The following TTC7A variants were observed in gnomAD, a reference collection of about 807,000 sequenced individuals.
The protein encoded by TTC7A is tetratricopeptide repeat domain 7A.
TTC7A carries 110 observed loss-of-function variants against 103.7 expected under a neutral mutation model. That is an observed-to-expected ratio of 1.06 (90% CI 0.91 to 1.24). TTC7A has a LOEUF of 1.24. Ranked by LOEUF, TTC7A falls within the 50% of genes most tolerant of loss-of-function variation. TTC7A has a pLI of 0.00. For missense variants in TTC7A, 1,340 were observed against 1,116.3 expected (o/e 1.20, Z -2.86); for synonymous variants, 521 against 467.9 (o/e 1.11, Z -1.47).
rs1366707831 is a variant in TTC7A at position 46,993,534 on chromosome 2, G to C, written c.843+6G>C. The C allele has an allele frequency of 6.2e-7, 1 of 1,614,014 alleles. No individual in the cohort carries two copies. The highest frequency in any genetic ancestry group is 1.1e-5 in the South Asian group (1 of 91,082). On this transcript the variant is annotated splice_donor_region_variant and intron_variant, in intron 6 of 19. Coordinates refer to ENST00000319190, the MANE Select transcript of TTC7A (RefSeq NM_020458.4). ...CAACTCAGAACTTCAAAGTGGTAAT[G>C]TGGGGTGCTGGCAGTGCTGGCTTAT...
In TTC7A at chr2:47,046,358, C is replaced by G. The variant is rs999418027; in HGVS notation, c.1846C>G (p.Pro616Ala). 1 of 1,614,066 alleles carries G rather than the reference C, an allele frequency of 6.2e-7. No individual in the cohort carries two copies. Among genetic ancestry groups the G allele is most frequent in the Non-Finnish European group, 8.5e-7 (1 of 1,180,036 alleles). Reference sequence around the variant, plus strand: ...GAAGCTGGAGCAGGTGCTGAAAGGCCCAGAGGAAGCCCTCGTGACCTGCAG... The same window carrying G: ...GAAGCTGGAGCAGGTGCTGAAAGGCGCAGAGGAAGCCCTCGTGACCTGCAG... Reference protein sequence around the residue: ...KVKLEQVLKGPEEALVTCRQV... With the variant: ...KVKLEQVLKGAEEALVTCRQV... Residue 616 changes from proline to alanine, a missense_variant, in exon 16 of 20, where the codon CCA becomes GCA. Physicochemically the swap from Pro to Ala is conservative, Grantham distance 27 (BLOSUM62 -1). Transcript: ENST00000319190.
chr2:47,003,841 C>G (rs1677098050), intron 8 of TTC7A, among the ~76,000 whole-genome samples: 1 of 152,228 alleles, frequency 6.6e-6, no homozygotes, highest in Non-Finnish European at 1.5e-5. Context: ...CCTGTGGGTC[C>G]CCACCCTGGG....
chr2:46,925,719 C>T (rs1053850665), intron 2 of TTC7A, among the ~76,000 whole-genome samples: 4 of 152,184 alleles, frequency 2.6e-5, no homozygotes, highest in Non-Finnish European at 4.4e-5. Flanking sequence ...TTTCATTTTT[C>T]CCTAAGCAAC....
At chr2:46,965,458 C>G (rs1449476055) in intron 3 of TTC7A, among the ~76,000 whole-genome samples, 1 of 152,070 alleles carries the variant, frequency 6.6e-6, no homozygotes, top group Non-Finnish European at 1.5e-5. Context: ...GAAGGAGGAG[C>G]AGGCTGCTAG....
At chr2:47,006,093 G>A (rs775419183) in intron 9 of TTC7A, 34 bp downstream of exon 9, 9 of 1,603,946 alleles carry the variant, frequency 5.6e-6, no homozygotes, top group East Asian at 2.2e-5. Flanking sequence ...CCCACTCTCC[G>A]GAGTCAGGTG....
intron 2 of TTC7A, among the ~76,000 whole-genome samples, chr2:46,919,892 G>C (rs1279629923): frequency 1.3e-5 from 2 of 152,232 alleles, no homozygotes; most frequent in Admixed American, 6.5e-5. Context: ...TCAATGGGTT[G>C]CATGTTCTAG....
chr2:47,057,557 A>C (rs1683420212), intron 18 of TTC7A, among the ~76,000 whole-genome samples: 4 of 152,236 alleles, frequency 2.6e-5, no homozygotes, highest in Admixed American at 2.6e-4. Flanking sequence ...AGTTGTAAAC[A>C]GCTTAATCAG....
chr2:47,042,806 C>T (rs1355457360), intron 15 of TTC7A, among the ~76,000 whole-genome samples: 1 of 152,128 alleles, frequency 6.6e-6, no homozygotes, highest in East Asian at 1.9e-4. Flanking sequence ...GGGCTGGAGC[C>T]GTGGGATTGA....
intron 14 of TTC7A, among the ~76,000 whole-genome samples, chr2:47,024,669 T>C (rs1214323710): frequency 1.3e-5 from 2 of 152,110 alleles, no homozygotes; most frequent in African/African-American, 4.8e-5. Context: ...GTCCTCGCCT[T>C]CCACTGGCTT....
Position 46,961,109 on chromosome 2 carries a change from T to G in TTC7A, c.517+4102T>G, listed in dbSNP as rs781606743. Among the ~76,000 whole-genome samples, 259 of 152,318 alleles carry G rather than the reference T, an allele frequency of 1.7e-3. 2 individuals are homozygous for G. The highest frequency in any genetic ancestry group is 0.014 in the Middle Eastern group (4 of 294). ...GGCCCTGCCATGGCCCCTTTGTAAC[T>G]TCCGCCAGCCTACGGACCCCTGACC... On this transcript the variant is annotated intron_variant, in intron 3 of 19. Coordinates refer to ENST00000319190, the MANE Select transcript of TTC7A (RefSeq NM_020458.4).
rs1685161363 is a variant in TTC7A, at chr2:47,075,709, A to AAGGAAGGATGGG, written c.*1790_*1801dup. 1 of 152,460 alleles carries AAGGAAGGATGGG rather than the reference A, an allele frequency of 6.6e-6. No homozygotes were observed. Among genetic ancestry groups the AAGGAAGGATGGG allele is most frequent in the Non-Finnish European group, 1.5e-5 (1 of 68,226 alleles). 9.4% of individuals were successfully genotyped at this position (152,460 alleles called of 1,614,324 possible). On this transcript the variant is annotated 3_prime_UTR_variant, in exon 20 of 20. Coordinates refer to ENST00000319190, the MANE Select transcript of TTC7A (RefSeq NM_020458.4). ...GGCCCACCTGGGGAGGGATGTGGGAAAGGAAGGATGGGAGGGAGGACCCTC... is the reference window on the plus strand; with the variant it reads ...GGCCCACCTGGGGAGGGATGTGGGAAAGGAAGGATGGGAGGAAGGATGGGAGGGAGGACCCTC...
chr2:47,002,166 G>A (rs748841108), intron 8 of TTC7A, among the ~76,000 whole-genome samples: 1 of 152,208 alleles, frequency 6.6e-6, no homozygotes, highest in Non-Finnish European at 1.5e-5. Context: ...AGAACAGCCG[G>A]AAGGACAAAG....
chr2:46,969,701 G>A lies in TTC7A; in HGVS notation c.518-5272G>A, dbSNP rs988108765. ...GCTGGGATTACAGGCATGAGCCAGC[G>A]TGCCTGGCCCAGGAAATATTTTTTA... On this transcript the variant is annotated intron_variant, in intron 3 of 19. Transcript: ENST00000319190. 2.6e-5 allele frequency among the ~76,000 whole-genome samples: 4 copies of A among 152,112 alleles called. No homozygotes were observed. The South Asian group carries it at 6.2e-4, about 24-fold the overall frequency.
At chr2:47,053,555 G>T (rs141444931) in intron 18 of TTC7A, among the ~76,000 whole-genome samples, 10,826 of 141,330 alleles carry the variant, frequency 0.077, 422 homozygotes, top group East Asian at 0.097. Context: ...TGGTTGGTTG[G>T]TTGGTTGGTT....
intron 2 of TTC7A, among the ~76,000 whole-genome samples, chr2:46,936,086 G>A (rs1669964066): frequency 1.3e-5 from 2 of 152,106 alleles, no homozygotes; most frequent in Admixed American, 6.6e-5. Flanking sequence ...GCAAGACCCT[G>A]TCTCTAAAAA....
chr2:47,056,913 C>G (rs1683369783), intron 18 of TTC7A, among the ~76,000 whole-genome samples: 1 of 152,170 alleles, frequency 6.6e-6, no homozygotes, highest in South Asian at 2.1e-4. Context: ...TGACCCCTCC[C>G]CCCCATCCAG....
At chr2:47,010,442 T>C (rs1270325443) in intron 10 of TTC7A, among the ~76,000 whole-genome samples, 1 of 152,208 alleles carries the variant, frequency 6.6e-6, no homozygotes, top group Non-Finnish European at 1.5e-5. Flanking sequence ...TGTTTGCTGC[T>C]GCTGTTCTTC....
At chr2:47,039,078 A>G (rs1393379139) in intron 15 of TTC7A, among the ~76,000 whole-genome samples, 2 of 151,920 alleles carry the variant, frequency 1.3e-5, no homozygotes, top group East Asian at 1.9e-4. Flanking sequence ...TCTCCCAGCA[A>G]CCCTCCTGGG....
intron 11 of TTC7A, among the ~76,000 whole-genome samples, chr2:47,017,736 A>G (rs1678826853): frequency 6.6e-6 from 1 of 152,082 alleles, no homozygotes; most frequent in Admixed American, 6.6e-5. Flanking sequence ...TCTGTGGCTA[A>G]GGATCTGGCT....
Sources: gnomAD v4.1 joint callset for allele counts (sites outside exome capture counted in the v4.1 genomes callset) on GRCh38, gnomAD v4.1.1 for gene constraint, MANE v1.5 for transcripts, NCBI Gene and HGNC (gene_info 2026-07-23, HGNC 2026-07-21) for gene names.